The following GLT1D1 variants were observed in gnomAD, a reference collection of about 807,000 sequenced individuals.
GLT1D1 encodes glycosyltransferase 1 domain containing 1, also known as glycosyltransferase 1 domain-containing protein 1.
A neutral mutation model predicts 28.7 loss-of-function variants in GLT1D1; 21 were observed. The observed-to-expected ratio is 0.73, with a 90% CI of 0.52 to 1.05. The LOEUF (loss-of-function observed/expected upper bound fraction) is 1.05, where lower values mean the gene tolerates loss of function less well. Ranked by LOEUF, GLT1D1 falls within the 50% of genes least tolerant of loss-of-function variation. The pLI is 0.00. For missense variants in GLT1D1, 343 were observed against 330.6 expected (o/e 1.04, Z -0.29); for synonymous variants, 147 against 124.8 (o/e 1.18, Z -1.19).
At chr12:128,923,836 G>A (rs1872906732) in intron 4 of GLT1D1, among the ~76,000 whole-genome samples, 1 of 152,004 alleles carries the variant, frequency 6.6e-6, no homozygotes, top group African/African-American at 2.4e-5. Context: ...CCTCACTTTA[G>A]AGAGCAGATT....
At chr12:128,901,412 G>T (rs892967061) in intron 4 of GLT1D1, among the ~76,000 whole-genome samples, 5 of 150,610 alleles carry the variant, frequency 3.3e-5, no homozygotes, top group Non-Finnish European at 7.4e-5. Flanking sequence ...GAGCCACCGC[G>T]CCTGACCTTT....
intron 4 of GLT1D1, among the ~76,000 whole-genome samples, chr12:128,900,123 C>T (rs779063181): frequency 1.8e-4 from 27 of 152,140 alleles, no homozygotes; most frequent in Non-Finnish European, 2.9e-4. Flanking sequence ...TGTGAACGCA[C>T]CATAGAGCTG....
At chr12:128,892,274 T>C (rs1593092136) in intron 3 of GLT1D1, among the ~76,000 whole-genome samples, 1 of 152,266 alleles carries the variant, frequency 6.6e-6, no homozygotes, top group Middle Eastern at 3.4e-3. Flanking sequence ...CACCTTATCA[T>C]AATAGAGAGC....
chr12:128,953,753 T>G (rs1410098718), intron 6 of GLT1D1, among the ~76,000 whole-genome samples: 1 of 152,068 alleles, frequency 6.6e-6, no homozygotes, highest in Non-Finnish European at 1.5e-5. Flanking sequence ...CTTTTTTTTT[T>G]TTTTGTCTCC....
chr12:128,945,158 C>T (rs1470713240), intron 4 of GLT1D1, 168 bp from the exon 9 acceptor site: 17 of 757,410 alleles, frequency 2.2e-5, no homozygotes, highest in Admixed American at 4.0e-5. Context: ...TTGCCCGAGC[C>T]GGGGGCCCCC....
intron 4 of GLT1D1, among the ~76,000 whole-genome samples, chr12:128,927,867 G>A (rs1372340866): frequency 6.6e-6 from 1 of 151,284 alleles, no homozygotes; most frequent in Non-Finnish European, 1.5e-5. Context: ...GGGCATCGTG[G>A]TGGGTGCCTA....
chr12:128,855,694 A>G (rs1369677183), intron 1 of GLT1D1, among the ~76,000 whole-genome samples: 1 of 152,006 alleles, frequency 6.6e-6, no homozygotes, highest in Non-Finnish European at 1.5e-5. Context: ...AAGTAAAAAA[A>G]TAAAAGACTG....
chr12:128,948,648 G>A (rs886274723), intron 6 of GLT1D1, among the ~76,000 whole-genome samples: 12 of 152,134 alleles, frequency 7.9e-5, no homozygotes, highest in Non-Finnish European at 1.2e-4. Context: ...TTAGGTTCAC[G>A]CTGTTACTTT....
chr12:128,854,616 C>A (rs1245393126), intron 1 of GLT1D1, among the ~76,000 whole-genome samples: 1 of 152,070 alleles, frequency 6.6e-6, no homozygotes, highest in Non-Finnish European at 1.5e-5. Context: ...CCTGCCTCAG[C>A]CTCCCAAGTA....
At chr12:128,863,379 T>A (rs12827029) in intron 1 of GLT1D1, among the ~76,000 whole-genome samples, 5 of 75,612 alleles carry the variant, frequency 6.6e-5, no homozygotes, top group Admixed American at 4.5e-4. Context: ...TAATTTATTA[T>A]TTTTTTTTTT....
At chr12:128,860,830 C>T (rs1211002713) in intron 1 of GLT1D1, among the ~76,000 whole-genome samples, 1 of 152,136 alleles carries the variant, frequency 6.6e-6, no homozygotes, top group Admixed American at 6.6e-5. Flanking sequence ...GGTCCCCACC[C>T]CCCTCTGATC....
intron 4 of GLT1D1, among the ~76,000 whole-genome samples, chr12:128,941,172 G>C (rs1875185181): frequency 6.6e-6 from 1 of 152,162 alleles, no homozygotes; most frequent in Non-Finnish European, 1.5e-5. Flanking sequence ...CCTTGTCACG[G>C]CTGAGTGGCA....
intron 4 of GLT1D1, 146 bp downstream of exon 8, chr12:128,927,300 G>C: frequency 1.6e-6 from 1 of 615,074 alleles, no homozygotes; most frequent in Non-Finnish European, 2.8e-6. Context: ...GTGCAGTGGC[G>C]TGATCTCGGC....
At chr12:128,882,280 T>G (rs535010752) in intron 2 of GLT1D1, among the ~76,000 whole-genome samples, 1 of 150,704 alleles carries the variant, frequency 6.6e-6, no homozygotes, top group East Asian at 1.9e-4. Flanking sequence ...CGCAATTTTT[T>G]TTTTTTTTTT....
chr12:128,948,243 C>T (rs958992927), intron 6 of GLT1D1, among the ~76,000 whole-genome samples: 5 of 152,122 alleles, frequency 3.3e-5, no homozygotes, highest in South Asian at 2.1e-4. Context: ...CCATTATCTT[C>T]GGTGCTTGAT....
At chr12:128,859,171 T>C (rs959307310) in intron 1 of GLT1D1, among the ~76,000 whole-genome samples, 1 of 152,212 alleles carries the variant, frequency 6.6e-6, no homozygotes, top group Non-Finnish European at 1.5e-5. Flanking sequence ...AATAAATCTC[T>C]TAATATTTTA....
intron 7 of GLT1D1, among the ~76,000 whole-genome samples, chr12:128,982,276 C>T (rs1281058937): frequency 6.6e-6 from 1 of 152,166 alleles, no homozygotes; most frequent in African/African-American, 2.4e-5. Context: ...GTATGCATCA[C>T]TCCTCTACAG....
chr12:128,947,679 C>T (rs767296023), intron 6 of GLT1D1, among the ~76,000 whole-genome samples: 7 of 152,130 alleles, frequency 4.6e-5, no homozygotes, highest in South Asian at 2.1e-4. Flanking sequence ...TAGCCAGCTA[C>T]GATGTAAAAT....
intron 7 of GLT1D1, among the ~76,000 whole-genome samples, chr12:128,964,771 C>T (rs1206863478): frequency 1.3e-5 from 2 of 152,288 alleles, no homozygotes; most frequent in South Asian, 2.1e-4. Context: ...GGCGAGAAGC[C>T]TGCAGGTTTA....
Sources: gnomAD v4.1 joint callset for allele counts (sites outside exome capture counted in the v4.1 genomes callset) on GRCh38, gnomAD v4.1.1 for gene constraint, MANE v1.5 for transcripts, NCBI Gene and HGNC (gene_info 2026-07-23, HGNC 2026-07-21) for gene names.